RUNX1: variants seen among roughly 807,000 people sequenced by gnomAD.
RUNX1 encodes RUNX family transcription factor 1, also known as runt-related transcription factor 1.
RUNX1 carries 19 observed loss-of-function variants against 42.8 expected under a neutral mutation model. The observed-to-expected ratio is 0.44, with a 90% CI of 0.31 to 0.65. The LOEUF (loss-of-function observed/expected upper bound fraction) is 0.65, where lower values mean the gene tolerates loss of function less well. RUNX1 is among the 30% of genes least tolerant of loss of function. The pLI is 0.07. For synonymous variants in RUNX1, 271 were observed against 289.4 expected (o/e 0.94, Z 0.64); for missense variants, 528 against 672.0 (o/e 0.79, Z 2.37).
intron 6 of RUNX1, among the ~76,000 whole-genome samples, chr21:34,838,636 T>C (rs935727150): frequency 3.3e-5 from 5 of 152,168 alleles, no homozygotes; most frequent in African/African-American, 4.8e-5. Context: ...TATAAAAATA[T>C]GGGGTTTTCT....
At chr21:34,961,612 A>C (rs1336068464) in intron 2 of RUNX1, among the ~76,000 whole-genome samples, 1 of 152,140 alleles carries the variant, frequency 6.6e-6, no homozygotes, top group Non-Finnish European at 1.5e-5. Context: ...GAGGAAAGTG[A>C]CTTTAAGGCA....
At chr21:34,893,304 T>A (rs2058101179) in intron 2 of RUNX1, among the ~76,000 whole-genome samples, 1 of 152,128 alleles carries the variant, frequency 6.6e-6, no homozygotes, top group African/African-American at 2.4e-5. Flanking sequence ...AACATTAGAA[T>A]TCAAGGGAAA....
chr21:34,925,168 T>C (rs1295843137), intron 2 of RUNX1, among the ~76,000 whole-genome samples: 1 of 152,200 alleles, frequency 6.6e-6, no homozygotes, highest in African/African-American at 2.4e-5. Context: ...TTTAGAACAG[T>C]TGTATGAATT....
chr21:34,845,668 T>C (rs1334785287), intron 6 of RUNX1, among the ~76,000 whole-genome samples: 3 of 152,014 alleles, frequency 2.0e-5, no homozygotes, highest in Non-Finnish European at 4.4e-5. Flanking sequence ...CCCTGTCTTT[T>C]CCCAGCCGGA....
chr21:34,859,666 C>A, intron 5 of RUNX1, 88 bp from the exon 6 acceptor site: 1 of 1,095,464 alleles, frequency 9.1e-7, no homozygotes, highest in Non-Finnish European at 1.4e-6. Context: ...TTATGCTGTC[C>A]AGCCCTTCAG....
intron 7 of RUNX1, among the ~76,000 whole-genome samples, chr21:34,817,417 T>A (rs923562985): frequency 1.3e-5 from 2 of 152,186 alleles, no homozygotes; most frequent in African/African-American, 4.8e-5. Flanking sequence ...AAACAGCATA[T>A]GGATTTTCCC....
At chr21:34,889,710 G>A (rs1456650308) in intron 3 of RUNX1, 18 of 1,187,194 alleles carry the variant, frequency 1.5e-5, no homozygotes, top group Non-Finnish European at 1.8e-5. Flanking sequence ...GCTTCCCCCT[G>A]CGCCGGTCCC....
rs150314934 is a variant in RUNX1 at position 34,990,886 on chromosome 21, C to T, written c.58+57956G>A. Among the ~76,000 whole-genome samples the T allele has an allele frequency of 2.1e-3, 315 of 152,250 alleles. 3 individuals are homozygous for T. The highest frequency in any genetic ancestry group is 3.5e-3 in the Non-Finnish European group (238 of 68,026). On this transcript the variant is annotated intron_variant, in intron 2 of 8. Transcript: ENST00000675419. Reference sequence around the variant, plus strand: ...GATTATAGGAGTGAGCCACCGTGCCCGGCTGGGGAATAAATTTTTGCTATA... The same window carrying T: ...GATTATAGGAGTGAGCCACCGTGCCTGGCTGGGGAATAAATTTTTGCTATA...
At chr21:34,872,301 C>A (rs73201074) in intron 5 of RUNX1, among the ~76,000 whole-genome samples, 15,513 of 152,214 alleles carry the variant, frequency 0.1, 1,374 homozygotes, top group African/African-American at 0.24. Flanking sequence ...TGGACCTCAC[C>A]TGTGTGACAT....
At chr21:34,854,841 A>AG (rs113067345) in intron 6 of RUNX1, among the ~76,000 whole-genome samples, 9 of 152,116 alleles carry the variant, frequency 5.9e-5, no homozygotes, top group South Asian at 2.1e-4. Flanking sequence ...GCCTGTGAGG[A>AG]GGGGGGCAGC....
At chr21:34,919,242 A>C (rs1180782898) in intron 2 of RUNX1, among the ~76,000 whole-genome samples, 2 of 152,184 alleles carry the variant, frequency 1.3e-5, no homozygotes, top group Non-Finnish European at 2.9e-5. Flanking sequence ...CTTGGTACTC[A>C]AACTTAATAA....
At chr21:34,898,801 C>T (rs557161536) in intron 2 of RUNX1, among the ~76,000 whole-genome samples, 12 of 152,362 alleles carry the variant, frequency 7.9e-5, no homozygotes, top group African/African-American at 2.9e-4. Flanking sequence ...TCTGCCTCAG[C>T]AGGTCTCGGA....
chr21:34,872,570 A>C (rs1473197056), intron 5 of RUNX1, among the ~76,000 whole-genome samples: 2 of 152,222 alleles, frequency 1.3e-5, no homozygotes, highest in East Asian at 3.8e-4. Context: ...TTTTTCATAA[A>C]ATTTAAAATA....
chr21:35,003,530 T>A (rs56878448), intron 2 of RUNX1, among the ~76,000 whole-genome samples: 11,292 of 112,084 alleles, frequency 0.1, 492 homozygotes, highest in Middle Eastern at 0.15. Context: ...TTTTTTTTTT[T>A]AAAAAAAAAG....
intron 2 of RUNX1, among the ~76,000 whole-genome samples, chr21:35,021,691 C>T (rs1238502788): frequency 6.6e-6 from 1 of 152,180 alleles, no homozygotes; most frequent in Admixed American, 6.5e-5. Context: ...CTGCAGGGAC[C>T]TACCCAGCCA....
At chr21:34,993,611 GCACACACACAGA>G (rs1318795795) in intron 2 of RUNX1, among the ~76,000 whole-genome samples, 28 of 15,382 alleles carry the variant, frequency 1.8e-3, no homozygotes, top group East Asian at 7.1e-3. Context: ...GCACACACAG[GCACACACACAGA>G]CACACACACA....
chr21:34,805,489 C>T (rs531588541), intron 7 of RUNX1, among the ~76,000 whole-genome samples: 12 of 152,302 alleles, frequency 7.9e-5, no homozygotes, highest in African/African-American at 2.6e-4. Context: ...GAAAAGCCAA[C>T]ACCTTATCCA....
chr21:34,874,631 A>AAAAAAAAAAAAAAC (rs2057788269), intron 5 of RUNX1, among the ~76,000 whole-genome samples: 1 of 147,956 alleles, frequency 6.8e-6, no homozygotes, highest in African/African-American at 2.5e-5. Context: ...AAAAAAAAAA[A>AAAAAAAAAAAAAAC]AAAAGACAGT....
chr21:34,979,218 C>T (rs894887318), intron 2 of RUNX1, among the ~76,000 whole-genome samples: 1 of 152,038 alleles, frequency 6.6e-6, no homozygotes, highest in Non-Finnish European at 1.5e-5. Context: ...GAGAAAGAGT[C>T]TTTTTGGATT....
Sources: allele counts gnomAD v4.1 joint callset (sites outside exome capture counted in the v4.1 genomes callset), GRCh38; gene constraint gnomAD v4.1.1; transcripts MANE v1.5; gene names NCBI Gene and HGNC (gene_info 2026-07-23, HGNC 2026-07-21).